Variants in SHQ1 observed in about 807,000 individuals in gnomAD.
The protein encoded by SHQ1 is protein SHQ1 homolog.
SHQ1 carries 49 observed loss-of-function variants against 53.8 expected under a neutral mutation model. The ratio of observed to expected loss-of-function variants is 0.91; its 90% CI spans 0.72 to 1.16. The LOEUF is 1.16. Ranked by LOEUF, SHQ1 falls within the 50% of genes most tolerant of loss-of-function variation. The pLI is 0.00. For synonymous variants in SHQ1, 243 were observed against 251.0 expected (o/e 0.97, Z 0.30); for missense variants, 738 against 683.1 (o/e 1.08, Z -0.90).
intron 10 of SHQ1, among the ~76,000 whole-genome samples, chr3:72,786,263 A>T (rs1006938000): frequency 6.6e-6 from 1 of 152,048 alleles, no homozygotes; most frequent in African/African-American, 2.4e-5. Flanking sequence ...GCCCCACCAC[A>T]ATTCATTCCC....
intron 7 of SHQ1, among the ~76,000 whole-genome samples, chr3:72,816,762 T>C (rs1707333258): frequency 6.6e-6 from 1 of 152,204 alleles, no homozygotes; most frequent in African/African-American, 2.4e-5. Context: ...GTACACATAC[T>C]CTATGAATTG....
intron 9 of SHQ1, among the ~76,000 whole-genome samples, chr3:72,798,015 G>A (rs990781828): frequency 2.0e-5 from 3 of 152,188 alleles, no homozygotes; most frequent in Non-Finnish European, 4.4e-5. Flanking sequence ...CCGGTGGCCA[G>A]AAGCCTATGG....
Position 72,842,365 on chromosome 3 carries a change from G to A in SHQ1, c.246C>T (p.Gly82=). The change falls in exon 3 of 11, where the codon GGC becomes GGT. Residue 82 remains glycine (G), a synonymous_variant. Coordinates refer to ENST00000325599, the MANE Select transcript of SHQ1 (RefSeq NM_018130.3). ...FTIRLPKETP[G]QHFEGLNMLT... ...ACATGTTCAGCCCCTCAAAATGCTGGCCAGGGGTTTCTTTGGGCAGGCGAA... is the reference window on the plus strand; with the variant it reads ...ACATGTTCAGCCCCTCAAAATGCTGACCAGGGGTTTCTTTGGGCAGGCGAA... 6.2e-7 allele frequency: 1 copy of A among 1,613,730 alleles called. No individual in the cohort carries two copies. The highest frequency in any genetic ancestry group is 8.5e-7 in the Non-Finnish European group (1 of 1,179,766).
intron 10 of SHQ1, among the ~76,000 whole-genome samples, chr3:72,751,504 G>GTATATA (rs1233066493): frequency 8.5e-5 from 10 of 118,150 alleles, no homozygotes; most frequent in African/African-American, 4.3e-4. Context: ...GTGTGTGTGT[G>GTATATA]TGTGTATATA....
intron 9 of SHQ1, chr3:72,795,616 T>C (rs755202129): frequency 2.6e-5 from 4 of 152,290 alleles, no homozygotes; most frequent in Non-Finnish European, 4.4e-5. Context: ...CTCTCTCTCT[T>C]TTTAGAGGAA....
intron 10 of SHQ1, among the ~76,000 whole-genome samples, chr3:72,761,464 G>A (rs1328319921): frequency 2.6e-5 from 4 of 152,132 alleles, no homozygotes; most frequent in Non-Finnish European, 4.4e-5. Flanking sequence ...AAGCTACTGC[G>A]CCGGGCCAAG....
chr3:72,819,571 C>T (rs1404509703), intron 6 of SHQ1, among the ~76,000 whole-genome samples: 1 of 151,954 alleles, frequency 6.6e-6, no homozygotes, highest in Non-Finnish European at 1.5e-5. Context: ...GCATCATAAA[C>T]AAAGGTCCTC....
chr3:72,763,372 T>A (rs1705651389), intron 10 of SHQ1, among the ~76,000 whole-genome samples: 1 of 152,208 alleles, frequency 6.6e-6, no homozygotes, highest in Non-Finnish European at 1.5e-5. Flanking sequence ...GATTTTGACC[T>A]GTTAACTGTC....
downstream of SHQ1, among the ~76,000 whole-genome samples, chr3:72,745,725 T>C (rs779525822): frequency 6.6e-6 from 1 of 151,274 alleles, no homozygotes; most frequent in Non-Finnish European, 1.5e-5. Context: ...TTCCAGTTTA[T>C]AAAAGTGCTT....
At chr3:72,796,121 A>G (rs1043186340) in intron 9 of SHQ1, among the ~76,000 whole-genome samples, 153 of 151,016 alleles carry the variant, frequency 1.0e-3, no homozygotes, top group African/African-American at 3.0e-3. Context: ...AAAAAAAAAA[A>G]AAAGAAAGAG....
chr3:72,822,339 C>G (rs545669788), intron 6 of SHQ1, among the ~76,000 whole-genome samples: 2 of 152,122 alleles, frequency 1.3e-5, no homozygotes, highest in Non-Finnish European at 2.9e-5. Context: ...GATGCACCAG[C>G]CTGGCTATCA....
chr3:72,745,918 C>A (rs1705251290), downstream of SHQ1, among the ~76,000 whole-genome samples: 1 of 151,748 alleles, frequency 6.6e-6, no homozygotes, highest in African/African-American at 2.4e-5. Context: ...TCTCGGCTCA[C>A]TGCAATCTCC....
intron 7 of SHQ1, 151 bp downstream of exon 7, chr3:72,817,079 C>T (rs2106874578): frequency 1.4e-6 from 1 of 719,794 alleles, no homozygotes; most frequent in African/African-American, 1.8e-5. Context: ...TGGGTACCCA[C>T]CACCACCACC....
At chr3:72,834,398 C>T (rs555592184) in intron 4 of SHQ1, among the ~76,000 whole-genome samples, 89 of 152,202 alleles carry the variant, frequency 5.8e-4, no homozygotes, top group African/African-American at 2.1e-3. Flanking sequence ...GGTGTGGTGG[C>T]GTGCACCTGT....
the SHQ1 span, among the ~76,000 whole-genome samples, chr3:72,736,830 T>C: frequency 2.0e-5 from 3 of 150,210 alleles, no homozygotes; most frequent in African/African-American, 7.3e-5. Flanking sequence ...GATCCTCAGT[T>C]TGCAGGCTAT....
intron 10 of SHQ1, among the ~76,000 whole-genome samples, chr3:72,788,442 C>T (rs955169901): frequency 2.5e-4 from 38 of 152,020 alleles, no homozygotes; most frequent in Admixed American, 6.5e-4. Context: ...GCCCGGCAGC[C>T]GCCCTGTCAG....
rs985919121 is a variant in SHQ1 at position 72,773,167 on chromosome 3, T to TA, written c.1181+19748dup. 9.5e-6 allele frequency: 7 copies of TA among 740,560 alleles called. No homozygotes were observed. The East Asian group carries it at 1.8e-4, about 19-fold the overall frequency. 45.9% of individuals were successfully genotyped at this position (740,560 alleles called of 1,614,324 possible). Reference sequence around the variant, plus strand: ...TGAGTTGGAATTTTGGAAAAAGACATAAAAAACCAGTCCAGAGTTTTCAGG... The same window carrying TA: ...TGAGTTGGAATTTTGGAAAAAGACATAAAAAAACCAGTCCAGAGTTTTCAGG... On this transcript the variant is annotated intron_variant, in intron 10 of 10. Coordinates refer to ENST00000325599, the MANE Select transcript of SHQ1 (RefSeq NM_018130.3).
At chr3:72,802,611 AT>A (rs1026541396) in intron 9 of SHQ1, among the ~76,000 whole-genome samples, 1 of 151,766 alleles carries the variant, frequency 6.6e-6, no homozygotes, top group East Asian at 1.9e-4. Flanking sequence ...CCTTTTTCTG[AT>A]TTTTTTGCCT....
intron 10 of SHQ1, among the ~76,000 whole-genome samples, chr3:72,762,217 T>C (rs1357130876): frequency 3.3e-5 from 5 of 152,172 alleles, no homozygotes; most frequent in African/African-American, 9.7e-5. Flanking sequence ...CAACGCTAAA[T>C]GCTGAAAAGA....
Sources: gnomAD v4.1 joint callset for allele counts (sites outside exome capture counted in the v4.1 genomes callset) on GRCh38, gnomAD v4.1.1 for gene constraint, MANE v1.5 for transcripts, NCBI Gene and HGNC (gene_info 2026-07-23, HGNC 2026-07-21) for gene names.